The following LGR4 variants were observed in gnomAD, a reference collection of about 807,000 sequenced individuals.
LGR4 encodes the protein leucine-rich repeat-containing G protein-coupled receptor 4.
A neutral mutation model predicts 84.8 loss-of-function variants in LGR4; 44 were observed. That is an observed-to-expected ratio of 0.52 (90% confidence interval 0.41 to 0.67). The LOEUF is 0.67. LGR4 is among the 30% of genes least tolerant of loss of function. The pLI is 0.00. For missense variants in LGR4, 1,032 were observed against 1,131.4 expected (o/e 0.91, Z 1.26); for synonymous variants, 429 against 434.3 (o/e 0.99, Z 0.15).
intron 1 of LGR4, 88 bp downstream of exon 1, chr11:27,472,030 T>G (rs1009699371): frequency 1.0e-5 from 10 of 991,824 alleles, no homozygotes; most frequent in Non-Finnish European, 7.8e-6. Context: ...CGGGGTGGGG[T>G]GGGACTGACC....
intron 17 of LGR4, 123 bp downstream of exon 17, chr11:27,371,492 G>C: frequency 1.7e-6 from 1 of 599,948 alleles, no homozygotes; most frequent in Non-Finnish European, 2.8e-6. Context: ...AAATCAGAAG[G>C]CCTCACAGGA....
At chr11:27,419,198 G>A (rs1433482025) in intron 1 of LGR4, among the ~76,000 whole-genome samples, 4 of 152,064 alleles carry the variant, frequency 2.6e-5, no homozygotes, top group African/African-American at 9.7e-5. Flanking sequence ...TTACAATGTA[G>A]AAAGAACTCT....
intron 7 of LGR4, 85 bp downstream of exon 7, chr11:27,382,103 A>G: frequency 1.1e-6 from 1 of 879,434 alleles, no homozygotes; most frequent in Non-Finnish European, 1.9e-6. Context: ...GTAATGGAAC[A>G]AGATGTTCTA....
chr11:27,433,259 C>A (rs1268306498), intron 1 of LGR4, among the ~76,000 whole-genome samples: 1 of 152,214 alleles, frequency 6.6e-6, no homozygotes, highest in Admixed American at 6.5e-5. Flanking sequence ...GTCATCCAGG[C>A]TGGAGTGCAG....
chr11:27,419,713 A>C (rs1322807520), intron 1 of LGR4, among the ~76,000 whole-genome samples: 1 of 150,976 alleles, frequency 6.6e-6, no homozygotes, highest in Admixed American at 6.6e-5. Context: ...TGGATAAAGA[A>C]ATTTTGGTAT....
intron 1 of LGR4, among the ~76,000 whole-genome samples, chr11:27,429,742 G>A (rs1408587561): frequency 6.6e-6 from 1 of 152,162 alleles, no homozygotes; most frequent in Non-Finnish European, 1.5e-5. Flanking sequence ...ATAGAACAAA[G>A]AAAAGGAGAG....
At chr11:27,452,623 GTTTTT>G (rs557477166) in intron 1 of LGR4, among the ~76,000 whole-genome samples, 1 of 119,336 alleles carries the variant, frequency 8.4e-6, no homozygotes, top group Admixed American at 8.7e-5. Context: ...AACTTTTTGA[GTTTTT>G]TTTTTTTTTT....
At position 27,367,057 on chromosome 11, in the gene LGR4, C is replaced by T. The variant is rs1440870071; in HGVS notation, c.*810G>A. On this transcript the variant is annotated 3_prime_UTR_variant, in exon 18 of 18. Transcript: ENST00000379214. Reference sequence around the variant, plus strand: ...AGAACATTACATGAAGCCACCAAATCCCTCAGATACTATTAAACCCCCACA... The same window carrying T: ...AGAACATTACATGAAGCCACCAAATTCCTCAGATACTATTAAACCCCCACA... 3 of 152,178 alleles carry T rather than the reference C, an allele frequency of 2.0e-5. No individual in the cohort carries two copies. The highest frequency in any genetic ancestry group is 7.2e-5 in the African/African-American group (3 of 41,454). 9.4% of individuals were successfully genotyped at this position (152,178 alleles called of 1,614,324 possible). A position where few individuals can be genotyped will look rare whatever the true frequency, so the allele number is the denominator to read the frequency against.
rs372277318 is a variant in LGR4, at chr11:27,373,636, C to A, written c.1294G>T (p.Gly432Cys). Residue 432 changes from glycine (G) to cysteine (C), a missense_variant, in exon 15 of 18, where the codon GGC becomes TGC. Gly to Cys is a radical substitution (Grantham distance 159). Coordinates refer to ENST00000379214, the MANE Select transcript of LGR4 (RefSeq NM_018490.5). ...FNELTSFPTE[G>C]LNGLNQLKLV... is the part of the protein sequence containing the mutation. ...TTCAGTTGATTTAGCCCATTCAGGC[C>A]TTCCGTAGGAAAGGAAGTTAATTCA... The A allele has an allele frequency of 6.9e-6, 11 of 1,595,980 alleles. No homozygotes were observed. Among genetic ancestry groups the A allele is most frequent in the Non-Finnish European group, 9.4e-6 (11 of 1,169,526 alleles).
chr11:27,447,551 T>C (rs982160170), intron 1 of LGR4, among the ~76,000 whole-genome samples: 4 of 152,186 alleles, frequency 2.6e-5, no homozygotes, highest in African/African-American at 7.2e-5. Flanking sequence ...ATCCACACTT[T>C]GTTTAGCATA....
intron 1 of LGR4, among the ~76,000 whole-genome samples, chr11:27,420,661 A>T (rs1308805380): frequency 2.6e-5 from 4 of 152,124 alleles, no homozygotes; most frequent in African/African-American, 9.7e-5. Flanking sequence ...ACATTCATAC[A>T]CACACACCTA....
intron 15 of LGR4, chr11:27,373,349 A>C (rs575929985): frequency 2.2e-6 from 1 of 446,460 alleles, no homozygotes; most frequent in Admixed American, 3.4e-5. Flanking sequence ...GAGGCCATCA[A>C]GGGCTCCAGT....
chr11:27,441,950 A>G (rs1864311709), intron 1 of LGR4, among the ~76,000 whole-genome samples: 1 of 152,220 alleles, frequency 6.6e-6, no homozygotes, highest in Non-Finnish European at 1.5e-5. Context: ...GATCAGAACT[A>G]AAGGTCAGGG....
chr11:27,371,369 C>T (rs11824261), intron 17 of LGR4, among the ~76,000 whole-genome samples: 1,685 of 152,306 alleles, frequency 0.011, 24 homozygotes, highest in African/African-American at 0.038. Flanking sequence ...GAAATTCTAA[C>T]GTGTACAACC....
chr11:27,380,318 C>T lies in LGR4; in HGVS notation c.924G>A (p.Met308Ile), dbSNP rs1330154221. The change falls in exon 10 of 18, where the codon ATG becomes ATA. Residue 308 changes from methionine to isoleucine, a missense_variant. By Grantham distance (10) the Met-to-Ile change is conservative. Transcript: ENST00000379214. ...CTGTAAGATTGGGGAACTGCTGCAC[C>T]ATGCTTGCACCACGAATGACTCTTT... ...LHSLVIRGASMVQQFPNLTGT... is the reference protein window; with the variant it reads ...LHSLVIRGASIVQQFPNLTGT... 2 of 1,610,784 alleles carry T rather than the reference C, an allele frequency of 1.2e-6. No individual in the cohort carries two copies. Among genetic ancestry groups the T allele is most frequent in the Non-Finnish European group, 1.7e-6 (2 of 1,178,360 alleles).
chr11:27,465,367 C>T (rs1864759037), intron 1 of LGR4, among the ~76,000 whole-genome samples: 2 of 152,132 alleles, frequency 1.3e-5, no homozygotes, highest in African/African-American at 4.8e-5. Flanking sequence ...GAAGACCAGG[C>T]TAGTGAGCTT....
intron 6 of LGR4, among the ~76,000 whole-genome samples, chr11:27,382,661 G>A (rs1046595812): frequency 2.6e-5 from 4 of 152,138 alleles, no homozygotes; most frequent in Non-Finnish European, 4.4e-5. Context: ...GTGGCTTCCT[G>A]AAATTCTGGT....
In LGR4 at chr11:27,374,012, T is replaced by C; in HGVS notation, c.1216A>G (p.Ser406Gly). Residue 406 changes from serine (S) to glycine (G), a missense_variant, in exon 14 of 18, where the codon AGT becomes GGT. Ser to Gly is a moderately conservative substitution (Grantham distance 56, BLOSUM62 0). Coordinates refer to ENST00000379214, the MANE Select transcript of LGR4 (RefSeq NM_018490.5). ...LSRNLIHEIHSRAFATLGPIT... is the reference protein window; with the variant it reads ...LSRNLIHEIHGRAFATLGPIT... ...GGCCCAAGTGTGGCAAAAGCTCTAC[T>C]GTGAATTTCATGTATCAGGTTTCTA... 4.3e-6 allele frequency: 7 copies of C among 1,612,396 alleles called. No homozygotes were observed. Among genetic ancestry groups the C allele is most frequent in the Non-Finnish European group, 5.9e-6 (7 of 1,178,538 alleles).
rs778679106 is a variant in LGR4, at chr11:27,412,809, G to A, written c.237C>T (p.Asn79=). The A allele has an allele frequency of 3.8e-6, 6 of 1,596,428 alleles. No homozygotes were observed. The highest frequency in any genetic ancestry group is 3.3e-5 in the South Asian group (3 of 90,702). The change falls in exon 2 of 18, where the codon AAC becomes AAT. Residue 79 remains asparagine, a synonymous_variant. Transcript: ENST00000379214. ...ITQLPEDAFK[N]FPFLEELQLA... ...CTTACAGCTCTTCTAGAAAAGGAAA[G>A]TTCTTAAATGCATCTTCTGGCAACT...
Sources: gnomAD v4.1 joint callset for allele counts (sites outside exome capture counted in the v4.1 genomes callset) on GRCh38, gnomAD v4.1.1 for gene constraint, MANE v1.5 for transcripts, NCBI Gene and HGNC (gene_info 2026-07-23, HGNC 2026-07-21) for gene names.